SDC1: variants seen among roughly 807,000 people sequenced by gnomAD.
SDC1 encodes syndecan-1.
A neutral mutation model predicts 29.7 loss-of-function variants in SDC1; 14 were observed. The observed-to-expected ratio is 0.47, with a 90% CI of 0.31 to 0.74. The LOEUF is 0.74. SDC1 is among the 30% of genes least tolerant of loss of function. The pLI is 0.05. For missense variants in SDC1, 406 were observed against 400.3 expected (o/e 1.01, Z -0.12); for synonymous variants, 204 against 175.5 (o/e 1.16, Z -1.29).
chr2:20,223,121 C>A, intron 1 of SDC1: 1 of 553,634 alleles, frequency 1.8e-6, no homozygotes, highest in South Asian at 1.7e-5. Context: ...CTCCCAGATA[C>A]CCCTCACAGT....
At chr2:20,221,929 T>A (rs975618826) in intron 1 of SDC1, among the ~76,000 whole-genome samples, 1 of 152,168 alleles carries the variant, frequency 6.6e-6, no homozygotes, top group African/African-American at 2.4e-5. Flanking sequence ...ATACCCTCTC[T>A]GCCAGGCTGT....
Position 20,201,734 on chromosome 2 carries a change from C to T in SDC1, c.*1032G>A, listed in dbSNP as rs182781695. ...GTCAATTTCCAGGAGGAAGCAGCCC[C>T]TGGAGACGGCGCCACAGGCAGGACG... On this transcript the variant is annotated 3_prime_UTR_variant, in exon 5 of 5. Coordinates refer to ENST00000254351, the MANE Select transcript of SDC1 (RefSeq NM_002997.5). 42 of 153,034 alleles carry T rather than the reference C, an allele frequency of 2.7e-4. 1 individual carries two copies. The East Asian group carries it at 8.1e-3, about 29-fold the overall frequency. The allele number at this position is 153,034 out of a possible 1,614,324, so 9.5% of individuals were successfully genotyped here. A position where few individuals can be genotyped will look rare whatever the true frequency, so the allele number is the denominator to read the frequency against.
intron 1 of SDC1, among the ~76,000 whole-genome samples, chr2:20,222,041 C>T (rs1677838743): frequency 6.6e-6 from 1 of 152,086 alleles, no homozygotes; most frequent in East Asian, 1.9e-4. Context: ...ATAACTATTC[C>T]AGAACAAGCC....
rs576788333 is a variant in SDC1, at chr2:20,207,959, C to G, written c.67-2535G>C. 3.0e-6 allele frequency: 3 copies of G among 985,444 alleles called. No homozygotes were observed. In the South Asian group the frequency reaches 1.4e-4, roughly 46 times the overall value. 61.0% of individuals were successfully genotyped at this position (985,444 alleles called of 1,614,324 possible). On this transcript the variant is annotated intron_variant, in intron 1 of 4. Coordinates refer to ENST00000254351, the MANE Select transcript of SDC1 (RefSeq NM_002997.5). ...ATGGCTTCACTCTCATCCAAGGACT[C>G]TGCCCTGCCCTCTCCTGCTGCACCG... is the stretch of plus-strand genomic sequence containing the variant.
intron 1 of SDC1, among the ~76,000 whole-genome samples, chr2:20,211,625 G>A (rs992570325): frequency 2.0e-5 from 3 of 152,230 alleles, no homozygotes; most frequent in Non-Finnish European, 4.4e-5. Flanking sequence ...CAGCCGGCCC[G>A]GCTGGACCCA....
At chr2:20,219,239 C>T (rs1677734967) in intron 1 of SDC1, among the ~76,000 whole-genome samples, 1 of 143,334 alleles carries the variant, frequency 7.0e-6, no homozygotes, top group African/African-American at 2.6e-5. Context: ...GCCACCCCTC[C>T]CCGAGATCCC....
chr2:20,202,857 T>C lies in SDC1; in HGVS notation c.842A>G (p.Lys281Arg). The C allele has an allele frequency of 1.2e-6, 2 of 1,613,822 alleles. No homozygotes were observed. Among genetic ancestry groups the C allele is most frequent in the Non-Finnish European group, 8.5e-7 (1 of 1,179,908 alleles). ...CTCCAAGGAGTAGCTGCCTTCGTCC[T>C]TCTTCTTCATGCGGTACAGCATGAA... ...VGFMLYRMKKKDEGSYSLEEP... is the reference protein window; with the variant it reads ...VGFMLYRMKKRDEGSYSLEEP... The change falls in exon 5 of 5, where the codon AAG (lysine) becomes AGG (arginine). Residue 281 changes from lysine to arginine, a missense_variant. Physicochemically the swap from Lys to Arg is conservative, Grantham distance 26. Transcript: ENST00000254351.
chr2:20,223,864 G>A (rs1259557329), intron 1 of SDC1, among the ~76,000 whole-genome samples: 1 of 152,168 alleles, frequency 6.6e-6, no homozygotes, highest in Non-Finnish European at 1.5e-5. Flanking sequence ...CGTCAGCCCC[G>A]CTGAAGGTGG....
At position 20,224,680 on chromosome 2, in the gene SDC1, GC is replaced by G. The variant is rs2148300473; in HGVS notation, c.66+121del. 9.7e-6 allele frequency: 11 copies of G among 1,132,400 alleles called. No homozygotes were observed. Among genetic ancestry groups the G allele is most frequent in the Non-Finnish European group, 1.2e-5 (11 of 907,722 alleles). The allele number at this position is 1,132,400 out of a possible 1,614,324, so 70.1% of individuals were successfully genotyped here. A position where few individuals can be genotyped will look rare whatever the true frequency, so the allele number is the denominator to read the frequency against. ...GGCTCACCGTCCCGGGACCCGCTGG[GC>G]TAGCGCGGGAAGAAGGGAAGTCTTC... On this transcript the variant is annotated intron_variant, in intron 1 of 4. Transcript: ENST00000254351. The surrounding 1 kb of genome is among the most constrained non-coding windows in gnomAD (Gnocchi z 4.9).
In SDC1 at chr2:20,204,034, G is replaced by A. The variant is rs1436202764; in HGVS notation, c.406C>T (p.Leu136=). 1 of 1,612,676 alleles carries A rather than the reference G, an allele frequency of 6.2e-7. No individual in the cohort carries two copies. Among genetic ancestry groups the A allele is most frequent in the Admixed American group, 1.7e-5 (1 of 59,992 alleles). Residue 136 remains leucine, a synonymous_variant, in exon 3 of 5, where the codon CTG becomes TTG. Transcript: ENST00000254351. ...GTGGTGGCTGTGGTCGTTGAGGCCAGATGAGTGGTCGGGAGCTGTGTGGTC... is the reference window on the plus strand; with the variant it reads ...GTGGTGGCTGTGGTCGTTGAGGCCAAATGAGTGGTCGGGAGCTGTGTGGTC... ...RETTQLPTTH[L]ASTTTATTAQ...
chr2:20,204,785 C>T (rs934021138), intron 2 of SDC1, among the ~76,000 whole-genome samples: 1 of 152,134 alleles, frequency 6.6e-6, no homozygotes, highest in Non-Finnish European at 1.5e-5. Context: ...GCTCTCTCAC[C>T]CCTCTTCTGA....
chr2:20,209,443 G>C (rs1470028594), intron 1 of SDC1, among the ~76,000 whole-genome samples: 3 of 152,152 alleles, frequency 2.0e-5, no homozygotes, highest in Non-Finnish European at 4.4e-5. Flanking sequence ...CCTGTCTAAG[G>C]CTCCTCAGTG....
intron 1 of SDC1, among the ~76,000 whole-genome samples, chr2:20,209,183 C>A (rs570215291): frequency 5.3e-5 from 8 of 152,252 alleles, no homozygotes; most frequent in Non-Finnish European, 1.0e-4. Flanking sequence ...TGAAGGAGTG[C>A]GGCCTTCTCT....
chr2:20,211,453 T>A (rs1478348311), intron 1 of SDC1, among the ~76,000 whole-genome samples: 1 of 152,156 alleles, frequency 6.6e-6, no homozygotes, highest in East Asian at 1.9e-4. Context: ...TTCCGACACG[T>A]CCACTCGCAT....
At position 20,224,241 on chromosome 2, in the gene SDC1, C is replaced by A. The variant is rs1407626763; in HGVS notation, c.66+561G>T. The A allele has an allele frequency of 1.8e-5, 7 of 391,448 alleles. No homozygotes were observed. Among genetic ancestry groups the A allele is most frequent in the Non-Finnish European group, 3.1e-5 (6 of 196,000 alleles). The allele number at this position is 391,448 out of a possible 1,614,324, so 24.2% of individuals were successfully genotyped here. On this transcript the variant is annotated intron_variant, in intron 1 of 4. Transcript: ENST00000254351. The surrounding 1 kb of genome is among the most constrained non-coding windows in gnomAD (Gnocchi z 4.9). ...GGGCCCTGCAGACGCTCGCCCGCGCCCCCCACGCAGCCCTGGCCCGGCTCC... is the reference window on the plus strand; with the variant it reads ...GGGCCCTGCAGACGCTCGCCCGCGCACCCCACGCAGCCCTGGCCCGGCTCC...
In SDC1 at chr2:20,204,188, C is replaced by A. The variant is rs2230924; in HGVS notation, c.252G>T (p.Glu84Asp). The change falls in exon 3 of 5, where the codon GAG (glutamate) becomes GAT (aspartate). Residue 84 changes from glutamate to aspartate, a missense_variant. Transcript: ENST00000254351. ...IPTSPEPTGLEATAASTSTLP... is the reference protein window; with the variant it reads ...IPTSPEPTGLDATAASTSTLP... ...GGGTGGAGGTGGAGGCAGCTGTAGCCTCCAGGCCGGTGGGTTCTGGAGACG... is the reference window on the plus strand; with the variant it reads ...GGGTGGAGGTGGAGGCAGCTGTAGCATCCAGGCCGGTGGGTTCTGGAGACG... 6.3e-7 allele frequency: 1 copy of A among 1,599,460 alleles called. No homozygotes were observed.
chr2:20,219,808 C>T (rs1051756873), intron 1 of SDC1, among the ~76,000 whole-genome samples: 1 of 152,242 alleles, frequency 6.6e-6, no homozygotes, highest in Admixed American at 6.5e-5. Context: ...GCCTAATGAC[C>T]AGTTCCTCAT....
intron 1 of SDC1, among the ~76,000 whole-genome samples, chr2:20,220,504 G>C (rs1195449465): frequency 6.6e-6 from 1 of 152,124 alleles, no homozygotes; most frequent in Non-Finnish European, 1.5e-5. Flanking sequence ...GTTCAAATAA[G>C]AATGAAAGAA....
chr2:20,207,821 C>T (rs1677328324), intron 1 of SDC1: 1 of 403,818 alleles, frequency 2.5e-6, no homozygotes, highest in Non-Finnish European at 3.4e-6. Context: ...GTGCTGCCTT[C>T]CCAGAGCTCT....
Sources: gnomAD v4.1 joint callset for allele counts (sites outside exome capture counted in the v4.1 genomes callset) on GRCh38, gnomAD v4.1.1 for gene constraint, Gnocchi (gnomAD v3.1) non-coding constraint, MANE v1.5 for transcripts, NCBI Gene and HGNC (gene_info 2026-07-23, HGNC 2026-07-21) for gene names.